Variants in ACTN4 observed in about 807,000 individuals in gnomAD.
ACTN4 encodes alpha-actinin-4.
ACTN4 carries 18 observed loss-of-function variants against 114.2 expected under a neutral mutation model. The ratio of observed to expected loss-of-function variants is 0.16; its 90% CI spans 0.11 to 0.23. The LOEUF is 0.23. Among genes scored for constraint, ACTN4 ranks in the 10% least tolerant of loss-of-function variants. The probability of loss-of-function intolerance (pLI) is 1.00; values close to 1 mark genes in which losing one functional copy is unlikely to be tolerated. For synonymous variants in ACTN4, 515 were observed against 506.3 expected (o/e 1.02, Z -0.23); for missense variants, 722 against 1,262.9 (o/e 0.57, Z 6.49).
At chr19:38,680,171 T>C (rs1376679983) in intron 1 of ACTN4, among the ~76,000 whole-genome samples, 1 of 151,456 alleles carries the variant, frequency 6.6e-6, no homozygotes, top group African/African-American at 2.4e-5. Context: ...TTTGTCCGTG[T>C]ATCCCCAGCA....
intron 1 of ACTN4, among the ~76,000 whole-genome samples, chr19:38,649,194 GC>G (rs1302754558): frequency 7.6e-6 from 1 of 131,394 alleles, no homozygotes; most frequent in Non-Finnish European, 1.6e-5. Flanking sequence ...GGCGGGGGGG[GC>G]AACTTGGTAG....
chr19:38,654,695 G>T (rs1202971651), intron 1 of ACTN4, among the ~76,000 whole-genome samples: 1 of 152,100 alleles, frequency 6.6e-6, no homozygotes, highest in Non-Finnish European at 1.5e-5. Context: ...AATCCCCGAG[G>T]CATTTGTCTT....
At chr19:38,722,239 T>C (rs970781581) in intron 12 of ACTN4, among the ~76,000 whole-genome samples, 2 of 152,162 alleles carry the variant, frequency 1.3e-5, no homozygotes, top group African/African-American at 4.8e-5. Flanking sequence ...TGGGGCCTTA[T>C]TCCACCAGTG....
chr19:38,730,958 G>A lies in ACTN4; in HGVS notation c.*1526G>A. 1 of 1,550,614 alleles carries A rather than the reference G, an allele frequency of 6.4e-7. No homozygotes were observed. The highest frequency in any genetic ancestry group is 8.7e-7 in the Non-Finnish European group (1 of 1,147,076). On this transcript the variant is annotated 3_prime_UTR_variant, in exon 21 of 21. Coordinates refer to ENST00000252699, the MANE Select transcript of ACTN4 (RefSeq NM_004924.6). The stretch of plus-strand genomic sequence containing the variant: ...CTGAGCCACCCTGTCCCTCCCACCT[G>A]GCTCACCTGTCTGTGGGTCAGGCAG...
chr19:38,722,794 C>T (rs1969091369), intron 12 of ACTN4, among the ~76,000 whole-genome samples: 1 of 152,204 alleles, frequency 6.6e-6, no homozygotes, highest in African/African-American at 2.4e-5. Flanking sequence ...AAACCCTAGG[C>T]TTGCCCCCTT....
rs901248695 is a variant in ACTN4 at position 38,731,527 on chromosome 19, C to T, written c.*2095C>T. On this transcript the variant is annotated 3_prime_UTR_variant, in exon 21 of 21. Coordinates refer to ENST00000252699, the MANE Select transcript of ACTN4 (RefSeq NM_004924.6). ...CTCCTTAAATCCTGTGGGGCTTTCT[C>T]CTTGCCAGTGGGCACTGGAGGATAT... The T allele has an allele frequency of 6.7e-6, 3 of 448,574 alleles. No individual in the cohort carries two copies. The highest frequency in any genetic ancestry group is 1.2e-5 in the Non-Finnish European group (3 of 242,250). The allele number at this position is 448,574 out of a possible 1,614,324, so 27.8% of individuals were successfully genotyped here.
chr19:38,690,202 A>G (rs1967878089), intron 1 of ACTN4, among the ~76,000 whole-genome samples: 1 of 152,008 alleles, frequency 6.6e-6, no homozygotes, highest in African/African-American at 2.4e-5. Context: ...ACTCTATTAA[A>G]TCTTGCAACT....
chr19:38,665,742 A>G (rs73032691), intron 1 of ACTN4, among the ~76,000 whole-genome samples: 18,168 of 152,046 alleles, frequency 0.12, 1,252 homozygotes, highest in Middle Eastern at 0.32. Flanking sequence ...GCCCTGAACA[A>G]TTTTGTGTTG....
intron 1 of ACTN4, among the ~76,000 whole-genome samples, chr19:38,674,840 G>C (rs768102375): frequency 6.6e-6 from 1 of 152,238 alleles, no homozygotes; most frequent in Non-Finnish European, 1.5e-5. Context: ...ACATCAGTGT[G>C]CCTACCATTC....
At chr19:38,698,118 G>A (rs1422047323) in intron 1 of ACTN4, among the ~76,000 whole-genome samples, 1 of 152,176 alleles carries the variant, frequency 6.6e-6, no homozygotes, top group Non-Finnish European at 1.5e-5. Flanking sequence ...CACTGTGGAG[G>A]GGGTGGGCAG....
chr19:38,658,827 C>CTTT (rs534625864), intron 1 of ACTN4, among the ~76,000 whole-genome samples: 1 of 148,758 alleles, frequency 6.7e-6, no homozygotes, highest in East Asian at 2.0e-4. Flanking sequence ...GAGGCAGTTA[C>CTTT]TTTTTTTTTT....
intron 1 of ACTN4, among the ~76,000 whole-genome samples, chr19:38,656,080 C>T (rs530713687): frequency 6.6e-6 from 1 of 152,120 alleles, no homozygotes; most frequent in Non-Finnish European, 1.5e-5. Flanking sequence ...TCATTTGTTC[C>T]TCACACAACT....
chr19:38,712,128 C>T (rs1455261038), intron 8 of ACTN4, among the ~76,000 whole-genome samples: 1 of 152,250 alleles, frequency 6.6e-6, no homozygotes, highest in Non-Finnish European at 1.5e-5. Context: ...CCAAGGCCTT[C>T]ACATGCACAG....
In ACTN4 at chr19:38,731,262, G is replaced by T. The variant is rs1969581952; in HGVS notation, c.*1830G>T. On this transcript the variant is annotated 3_prime_UTR_variant, in exon 21 of 21. Coordinates refer to ENST00000252699, the MANE Select transcript of ACTN4 (RefSeq NM_004924.6). ...GCTTCTGAGCCCAGTGGCCCACAGG[G>T]AACCCACCTTGGCATTGCATCCCCA... is the stretch of plus-strand genomic sequence containing the variant. The T allele has an allele frequency of 2.6e-6, 4 of 1,550,018 alleles. No individual in the cohort carries two copies. In the East Asian group the frequency reaches 6.7e-5, roughly 26 times the overall value.
chr19:38,659,065 C>CTTTTTTTTTTTTTTTTTTTTTT lies in ACTN4; in HGVS notation c.162+11171_162+11172insTTTTTTTTTTTTTTTTTTTTTT, dbSNP rs577141157. Among the ~76,000 whole-genome samples, 38 of 111,688 alleles carry CTTTTTTTTTTTTTTTTTTTTTT rather than the reference C, an allele frequency of 3.4e-4. 2 individuals carry two copies. The highest frequency in any genetic ancestry group is 3.6e-4 in the Non-Finnish European group (20 of 54,930). The allele number at this position is 111,688 out of a possible 152,430, so 73.3% of individuals were successfully genotyped here. On this transcript the variant is annotated intron_variant, in intron 1 of 20. Transcript: ENST00000252699. ...TAACTTTTTTTTCTTCTTTTCTTTT[C>CTTTTTTTTTTTTTTTTTTTTTT]TTTTTTTTTTTTTGAGACGGAGTCT... is the stretch of plus-strand genomic sequence containing the variant.
At chr19:38,719,743 G>C (rs1385774646) in intron 11 of ACTN4, among the ~76,000 whole-genome samples, 1 of 152,244 alleles carries the variant, frequency 6.6e-6, no homozygotes, top group Non-Finnish European at 1.5e-5. Context: ...TGAACCTTCT[G>C]GGGGTCTTTC....
In ACTN4 at chr19:38,692,831, G is replaced by A. The variant is rs556974885; in HGVS notation, c.163-7769G>A. 3.3e-5 allele frequency among the ~76,000 whole-genome samples: 5 copies of A among 152,302 alleles called. No individual in the cohort carries two copies. In the South Asian group the frequency reaches 6.2e-4, roughly 19 times the overall value. Reference sequence around the variant, plus strand: ...CATGGAAGCAGGAACCATGGGCAGCGTCAGAGGCCACAGCAGGCAAGGTGG... The same window carrying A: ...CATGGAAGCAGGAACCATGGGCAGCATCAGAGGCCACAGCAGGCAAGGTGG... On this transcript the variant is annotated intron_variant, in intron 1 of 20. Coordinates refer to ENST00000252699, the MANE Select transcript of ACTN4 (RefSeq NM_004924.6).
At chr19:38,670,466 T>TGAGGGA (rs1967093631) in intron 1 of ACTN4, among the ~76,000 whole-genome samples, 3 of 152,062 alleles carry the variant, frequency 2.0e-5, no homozygotes, top group African/African-American at 7.2e-5. Context: ...GGGACTGTGG[T>TGAGGGA]CTTGGATTAT....
chr19:38,731,190 A>AGGGTCT lies in ACTN4; in HGVS notation c.*1764_*1769dup. The stretch of plus-strand genomic sequence containing the variant: ...ACGGCTATCCCGGTAGCGGCTGGTG[A>AGGGTCT]GGGTCTGGGTCAGCTGGTTGTTCAG... On this transcript the variant is annotated 3_prime_UTR_variant, in exon 21 of 21. Transcript: ENST00000252699. 2.5e-6 allele frequency: 4 copies of AGGGTCT among 1,612,470 alleles called. No individual in the cohort carries two copies. Among genetic ancestry groups the AGGGTCT allele is most frequent in the Non-Finnish European group, 3.4e-6 (4 of 1,179,922 alleles).
Sources: allele counts gnomAD v4.1 joint callset (sites outside exome capture counted in the v4.1 genomes callset), GRCh38; gene constraint gnomAD v4.1.1; transcripts MANE v1.5; gene names NCBI Gene and HGNC (gene_info 2026-07-23, HGNC 2026-07-21).